The following NRXN1 variants were observed in gnomAD, a reference collection of about 807,000 sequenced individuals.
NRXN1 encodes neurexin 1, also known as neurexin-1.
In NRXN1, 39 loss-of-function variants were observed where a neutral mutation model predicts 150.9. The ratio of observed to expected loss-of-function variants is 0.26; its 90% confidence interval spans 0.20 to 0.34. The LOEUF is 0.34. Among genes scored for constraint, NRXN1 ranks in the 10% least tolerant of loss-of-function variants. The pLI is 1.00. For synonymous variants in NRXN1, 924 were observed against 757.0 expected (o/e 1.22, Z -3.62); for missense variants, 1,815 against 1,949.9 (o/e 0.93, Z 1.30).
At chr2:50,148,838 C>T (rs1041188040) in intron 18 of NRXN1, among the ~76,000 whole-genome samples, 1 of 151,694 alleles carries the variant, frequency 6.6e-6, no homozygotes, top group Admixed American at 6.6e-5. Flanking sequence ...TCACCTGAGT[C>T]CTAAGGAATG....
chr2:50,067,365 G>T (rs1695523755), intron 19 of NRXN1, among the ~76,000 whole-genome samples: 1 of 152,138 alleles, frequency 6.6e-6, no homozygotes, highest in Admixed American at 6.5e-5. Context: ...TTTGGATATT[G>T]TTTCATCAGA....
chr2:50,415,052 T>G (rs556088895), intron 17 of NRXN1, among the ~76,000 whole-genome samples: 1 of 152,116 alleles, frequency 6.6e-6, no homozygotes, highest in Admixed American at 6.6e-5. Flanking sequence ...ACATTAAACA[T>G]AGTTCTACAT....
intron 18 of NRXN1, among the ~76,000 whole-genome samples, chr2:50,115,217 G>GTATATA (rs35673922): frequency 0.09 from 12,090 of 134,642 alleles, 599 homozygotes; most frequent in East Asian, 0.16. Context: ...TATGTTATGT[G>GTATATA]TATATATATA....
At position 50,387,936 on chromosome 2, in the gene NRXN1, C is replaced by T. The variant is rs145019573; in HGVS notation, c.3364+77506G>A. On this transcript the variant is annotated intron_variant, in intron 17 of 22. Transcript: ENST00000401669. ...CTAGGGGCTTGGGTAATGAAACACA[C>T]GTCTTGAAAAAGTAAAACTGAAAGA... Among the ~76,000 whole-genome samples, 44 of 152,232 alleles carry T rather than the reference C, an allele frequency of 2.9e-4. No individual in the cohort carries two copies. In the East Asian group the frequency reaches 8.1e-3, roughly 28 times the overall value.
At chr2:50,365,462 G>T (rs1235797691) in intron 17 of NRXN1, among the ~76,000 whole-genome samples, 14 of 151,930 alleles carry the variant, frequency 9.2e-5, no homozygotes, top group Non-Finnish European at 1.9e-4. Flanking sequence ...ATTTGTAAAG[G>T]TTTATCACTT....
At chr2:50,763,583 A>C (rs941792619) in intron 5 of NRXN1, among the ~76,000 whole-genome samples, 26 of 152,018 alleles carry the variant, frequency 1.7e-4, no homozygotes, top group African/African-American at 6.3e-4. Flanking sequence ...AGAGCTTTTT[A>C]TATCTAGGAA....
At chr2:50,590,223 G>C (rs556030497) in intron 8 of NRXN1, among the ~76,000 whole-genome samples, 2 of 152,242 alleles carry the variant, frequency 1.3e-5, no homozygotes, top group Admixed American at 6.5e-5. Flanking sequence ...TTCCAAGTCA[G>C]AGATTTTATC....
chr2:50,982,206 A>C (rs1271886373), intron 2 of NRXN1, among the ~76,000 whole-genome samples: 4 of 152,162 alleles, frequency 2.6e-5, no homozygotes, highest in Admixed American at 6.6e-5. Context: ...ATGTTTCCTA[A>C]AAATGATTAG....
At chr2:50,670,724 A>T (rs141869062) in intron 5 of NRXN1, among the ~76,000 whole-genome samples, 3 of 151,800 alleles carry the variant, frequency 2.0e-5, no homozygotes, top group Non-Finnish European at 4.4e-5. Context: ...GGAAACACTG[A>T]CTCTTTTAAA....
intron 5 of NRXN1, among the ~76,000 whole-genome samples, chr2:50,904,846 C>A (rs1683441805): frequency 6.6e-6 from 1 of 152,094 alleles, no homozygotes; most frequent in South Asian, 2.1e-4. Context: ...AGAACTTGAT[C>A]TAAGATGAAT....
At chr2:50,893,583 C>T (rs1004962441) in intron 5 of NRXN1, among the ~76,000 whole-genome samples, 3 of 152,054 alleles carry the variant, frequency 2.0e-5, no homozygotes, top group Non-Finnish European at 2.9e-5. Context: ...ACTCAAGTGT[C>T]GGTGCAGGAC....
intron 18 of NRXN1, among the ~76,000 whole-genome samples, chr2:50,183,462 C>G (rs2060867872): frequency 6.6e-6 from 1 of 151,476 alleles, no homozygotes; most frequent in Non-Finnish European, 1.5e-5. Context: ...TGAAAAAGAC[C>G]TTACTTTTAT....
intron 5 of NRXN1, among the ~76,000 whole-genome samples, chr2:50,807,762 T>C (rs890323964): frequency 6.6e-6 from 1 of 152,182 alleles, no homozygotes; most frequent in Admixed American, 6.6e-5. Flanking sequence ...GAAACTAACA[T>C]AATTTATTTT....
chr2:49,919,209 T>G lies in NRXN1; in HGVS notation c.*2735A>C, dbSNP rs1667791500. ...GAAATCCTCAATCAACTGCAAACTA[T>G]GCAGGGAACCCTGATATGTTTGGTA... On this transcript the variant is annotated 3_prime_UTR_variant, in exon 23 of 23. Coordinates refer to ENST00000401669, the MANE Select transcript of NRXN1 (RefSeq NM_001330078.2). The G allele has an allele frequency of 6.6e-6, 1 of 152,160 alleles. No homozygotes were observed. The highest frequency in any genetic ancestry group is 1.5e-5 in the Non-Finnish European group (1 of 67,990). 9.4% of individuals were successfully genotyped at this position (152,160 alleles called of 1,614,324 possible).
chr2:50,446,460 T>C (rs2086411547), intron 17 of NRXN1, among the ~76,000 whole-genome samples: 1 of 131,728 alleles, frequency 7.6e-6, no homozygotes. Flanking sequence ...TCCTTTCCCC[T>C]GTTCCTCCCT....
chr2:50,191,821 T>C (rs140147580), intron 18 of NRXN1, among the ~76,000 whole-genome samples: 1 of 152,330 alleles, frequency 6.6e-6, no homozygotes, highest in East Asian at 1.9e-4. Flanking sequence ...TTATACACTG[T>C]GCATAACACA....
chr2:50,720,511 G>C (rs1696502377), intron 5 of NRXN1, among the ~76,000 whole-genome samples: 1 of 152,044 alleles, frequency 6.6e-6, no homozygotes, highest in East Asian at 1.9e-4. Context: ...ATGGTAGCTA[G>C]GAAAAAAATG....
At chr2:50,239,661 AG>A (rs2065805670) in intron 17 of NRXN1, among the ~76,000 whole-genome samples, 1 of 56,706 alleles carries the variant, frequency 1.8e-5, no homozygotes, top group Non-Finnish European at 3.3e-5. Context: ...TACCTATTCC[AG>A]TATATATATA....
intron 13 of NRXN1, among the ~76,000 whole-genome samples, chr2:50,499,388 C>T (rs2091822823): frequency 2.0e-5 from 3 of 152,024 alleles, no homozygotes; most frequent in East Asian, 1.9e-4. Flanking sequence ...ATAATTGTTT[C>T]GTCTCTCTCT....
Sources: gnomAD v4.1 joint callset for allele counts (sites outside exome capture counted in the v4.1 genomes callset) on GRCh38, gnomAD v4.1.1 for gene constraint, MANE v1.5 for transcripts, NCBI Gene and HGNC (gene_info 2026-07-23, HGNC 2026-07-21) for gene names.